Variants in CNTNAP5 observed in about 807,000 individuals in gnomAD.
CNTNAP5 encodes the protein contactin-associated protein-like 5.
A neutral mutation model predicts 150.2 loss-of-function variants in CNTNAP5; 72 were observed. The ratio of observed to expected loss-of-function variants is 0.48; its 90% CI spans 0.40 to 0.58. The LOEUF is 0.58. Ranked by LOEUF, CNTNAP5 falls within the 20% of genes least tolerant of loss-of-function variation. The pLI is 0.00. For synonymous variants in CNTNAP5, 672 were observed against 619.8 expected (o/e 1.08, Z -1.25); for missense variants, 1,636 against 1,626.2 (o/e 1.01, Z -0.10).
intron 3 of CNTNAP5, among the ~76,000 whole-genome samples, chr2:124,303,492 T>G (rs1688613662): frequency 6.6e-6 from 1 of 152,198 alleles, no homozygotes; most frequent in Non-Finnish European, 1.5e-5. Context: ...TTGATGGAGC[T>G]CACAGCAACC....
chr2:124,391,759 T>C (rs1202053299), intron 3 of CNTNAP5, among the ~76,000 whole-genome samples: 1 of 151,984 alleles, frequency 6.6e-6, no homozygotes, highest in Non-Finnish European at 1.5e-5. Flanking sequence ...ATCGAGACCA[T>C]CCTGGCTAAC....
At chr2:124,653,047 C>T (rs1678355983) in intron 13 of CNTNAP5, among the ~76,000 whole-genome samples, 1 of 152,142 alleles carries the variant, frequency 6.6e-6, no homozygotes, top group Non-Finnish European at 1.5e-5. Context: ...AGCAAGATTG[C>T]CGTGAGGATT....
chr2:124,718,762 C>T (rs963577682), intron 13 of CNTNAP5, among the ~76,000 whole-genome samples: 6 of 151,766 alleles, frequency 4.0e-5, no homozygotes, highest in African/African-American at 1.2e-4. Flanking sequence ...GCCAATATGT[C>T]GAAACCCCGT....
chr2:124,536,773 G>T (rs1573443973), intron 10 of CNTNAP5, among the ~76,000 whole-genome samples: 1 of 152,212 alleles, frequency 6.6e-6, no homozygotes, highest in East Asian at 1.9e-4. Context: ...ATTTACGGGG[G>T]TCAAGGAGGG....
At position 124,763,721 on chromosome 2, in the gene CNTNAP5, C is replaced by T; in HGVS notation, c.2284C>T (p.Gln762Ter). The change falls in exon 15 of 24, where the codon CAG (glutamine) becomes TAG (stop). Residue 762 changes from glutamine (Q) to a stop codon, truncating the protein, a stop_gained. Coordinates refer to ENST00000682447, the MANE Select transcript of CNTNAP5 (RefSeq NM_001367498.1). LOFTEE classifies it high-confidence loss of function. ...LSFKDHLPVT[Q>*]IVITDTDRSN... is the part of the protein sequence containing the mutation. ...CTTCAAAGACCACTTGCCTGTCACT[C>T]AGATAGTTATCACTGATACCGACAG... is the stretch of plus-strand genomic sequence containing the variant. The T allele has an allele frequency of 2.5e-6, 4 of 1,612,908 alleles. No homozygotes were observed. Among genetic ancestry groups the T allele is most frequent in the Non-Finnish European group, 3.4e-6 (4 of 1,179,316 alleles).
chr2:124,509,991 C>A (rs1307515936), intron 8 of CNTNAP5, among the ~76,000 whole-genome samples: 1 of 151,874 alleles, frequency 6.6e-6, no homozygotes, highest in East Asian at 1.9e-4. Context: ...TGCTTGAGGT[C>A]AGGAGTTCAA....
intron 3 of CNTNAP5, among the ~76,000 whole-genome samples, chr2:124,294,572 C>T (rs966942833): frequency 2.1e-4 from 32 of 152,128 alleles, no homozygotes; most frequent in Non-Finnish European, 4.1e-4. Flanking sequence ...TGGAGGAAGG[C>T]CAGTACCTGA....
chr2:124,048,043 C>A (rs1558737273), intron 1 of CNTNAP5, among the ~76,000 whole-genome samples: 1 of 152,162 alleles, frequency 6.6e-6, no homozygotes, highest in Admixed American at 6.6e-5. Context: ...CTGAAACATT[C>A]ATTTCTTTAT....
At chr2:124,075,253 C>A (rs575096823) in intron 1 of CNTNAP5, among the ~76,000 whole-genome samples, 115 of 152,156 alleles carry the variant, frequency 7.6e-4, no homozygotes, top group Middle Eastern at 6.8e-3. Context: ...ACTTACTACA[C>A]AAAGCAGGCA....
intron 5 of CNTNAP5, among the ~76,000 whole-genome samples, chr2:124,443,830 G>GTA (rs1558904689): frequency 6.6e-6 from 1 of 151,548 alleles, no homozygotes; most frequent in Non-Finnish European, 1.5e-5. Flanking sequence ...GTGTGTGTGT[G>GTA]TGTGTGTGTG....
chr2:124,453,975 A>G (rs1292192924), intron 6 of CNTNAP5, among the ~76,000 whole-genome samples: 1 of 152,144 alleles, frequency 6.6e-6, no homozygotes, highest in African/African-American at 2.4e-5. Context: ...AAAAAATACA[A>G]TTGAAAAAAC....
chr2:124,086,349 G>A (rs1157219277), intron 1 of CNTNAP5, among the ~76,000 whole-genome samples: 1 of 151,290 alleles, frequency 6.6e-6, no homozygotes, highest in East Asian at 1.9e-4. Context: ...GACTGCAGGT[G>A]CCTGCCACCA....
At chr2:124,456,820 T>C (rs1428443156) in intron 6 of CNTNAP5, among the ~76,000 whole-genome samples, 1 of 152,036 alleles carries the variant, frequency 6.6e-6, no homozygotes, top group Non-Finnish European at 1.5e-5. Flanking sequence ...TGGAGAAAGG[T>C]CACCCTATTT....
intron 21 of CNTNAP5, among the ~76,000 whole-genome samples, chr2:124,873,324 C>T (rs1310447896): frequency 6.6e-6 from 1 of 152,078 alleles, no homozygotes; most frequent in East Asian, 1.9e-4. Context: ...CCTCATGAGC[C>T]AATCACCACC....
At chr2:124,337,199 G>T (rs866902007) in intron 3 of CNTNAP5, among the ~76,000 whole-genome samples, 1 of 152,118 alleles carries the variant, frequency 6.6e-6, no homozygotes. Flanking sequence ...CATATCCTTC[G>T]CCCACTTGTT....
intron 1 of CNTNAP5, among the ~76,000 whole-genome samples, chr2:124,158,659 T>C (rs116663848): frequency 0.018 from 2,798 of 152,310 alleles, 96 homozygotes; most frequent in African/African-American, 0.063. Flanking sequence ...TGTTGATACA[T>C]TTATGATAGC....
chr2:124,727,260 T>C (rs1164363534), intron 13 of CNTNAP5, among the ~76,000 whole-genome samples: 1 of 152,160 alleles, frequency 6.6e-6, no homozygotes, highest in African/African-American at 2.4e-5. Flanking sequence ...AATAAGGAAG[T>C]GTGATGTCTC....
chr2:124,253,727 T>A (rs1687241941), intron 3 of CNTNAP5, among the ~76,000 whole-genome samples: 1 of 152,180 alleles, frequency 6.6e-6, no homozygotes, highest in African/African-American at 2.4e-5. Flanking sequence ...GTTGGTGGAC[T>A]GGATACTAAT....
chr2:124,806,672 C>G (rs1259612800), intron 19 of CNTNAP5, among the ~76,000 whole-genome samples: 2 of 152,152 alleles, frequency 1.3e-5, no homozygotes, highest in South Asian at 2.1e-4. Flanking sequence ...ATTATTTGCC[C>G]TTATGATGCT....
Sources: allele counts gnomAD v4.1 joint callset (sites outside exome capture counted in the v4.1 genomes callset), GRCh38; gene constraint gnomAD v4.1.1; transcripts MANE v1.5; gene names NCBI Gene and HGNC (gene_info 2026-07-23, HGNC 2026-07-21).